Variants in PRR5L observed in about 807,000 individuals in gnomAD.
The protein encoded by PRR5L is proline-rich protein 5-like.
Under a neutral mutation model 36.4 loss-of-function variants are expected in PRR5L, and 21 were observed. The observed-to-expected ratio is 0.58, with a 90% CI of 0.41 to 0.83. The LOEUF (loss-of-function observed/expected upper bound fraction) is 0.83. Ranked by LOEUF, PRR5L falls within the 40% of genes least tolerant of loss-of-function variation. The probability of loss-of-function intolerance (pLI) is 0.00; values close to 1 mark genes in which losing one functional copy is unlikely to be tolerated. For synonymous variants in PRR5L, 188 were observed against 197.0 expected (o/e 0.95, Z 0.38); for missense variants, 381 against 473.3 (o/e 0.80, Z 1.81).
At position 36,374,234 on chromosome 11, in the gene PRR5L, A is replaced by G. The variant is rs149770778; in HGVS notation, c.-125-26763A>G. Reference sequence around the variant, plus strand: ...CTCAGTCTCCAGAGTACTTGGGATTACAGGCACCCGCCACCATGCCCGGCT... The same window carrying G: ...CTCAGTCTCCAGAGTACTTGGGATTGCAGGCACCCGCCACCATGCCCGGCT... On this transcript the variant is annotated intron_variant, in intron 1 of 8. Coordinates refer to ENST00000530639, the MANE Select transcript of PRR5L (RefSeq NM_001160167.2). Among the ~76,000 whole-genome samples the G allele has an allele frequency of 1.6e-3, 245 of 152,160 alleles. 3 individuals are homozygous for G. In the East Asian group the frequency reaches 0.041, roughly 26 times the overall value.
Position 36,462,621 on chromosome 11 carries a change from C to G in PRR5L, c.992C>G (p.Pro331Arg), listed in dbSNP as rs182532599. 2.3e-5 allele frequency: 37 copies of G among 1,612,346 alleles called. No individual in the cohort carries two copies. The South Asian group carries it at 3.8e-4, about 17-fold the overall frequency. Residue 331 changes from proline to arginine, a missense_variant, in exon 9 of 9, where the codon CCG (proline) becomes CGG (arginine). By Grantham distance (103) the Pro-to-Arg change is moderately radical (BLOSUM62 -2). Coordinates refer to ENST00000530639, the MANE Select transcript of PRR5L (RefSeq NM_001160167.2). ...KCLLLPPSFP[P>R]PHRQCSSEPN... Reference sequence around the variant, plus strand: ...CTGCTCCTGCCACCCAGCTTCCCCCCGCCCCACCGGCAGTGCTCCAGTGAG... The same window carrying G: ...CTGCTCCTGCCACCCAGCTTCCCCCGGCCCCACCGGCAGTGCTCCAGTGAG...
At chr11:36,404,927 C>G (rs926411040) in intron 3 of PRR5L, among the ~76,000 whole-genome samples, 1 of 152,192 alleles carries the variant, frequency 6.6e-6, no homozygotes, top group Non-Finnish European at 1.5e-5. Context: ...CCAACACACA[C>G]GTTGCGAAGT....
At chr11:36,334,281 T>A (rs750285652) in intron 1 of PRR5L, among the ~76,000 whole-genome samples, 1 of 152,228 alleles carries the variant, frequency 6.6e-6, no homozygotes, top group Non-Finnish European at 1.5e-5. Flanking sequence ...AATTAGCAGG[T>A]ATTTTTGACA....
chr11:36,309,310 T>C (rs922452941), intron 1 of PRR5L, among the ~76,000 whole-genome samples: 15 of 152,148 alleles, frequency 9.9e-5, no homozygotes, highest in African/African-American at 3.6e-4. Context: ...AATACGCAAA[T>C]GTAGAATAAT....
chr11:36,351,759 T>TGA (rs1856976130), intron 1 of PRR5L, among the ~76,000 whole-genome samples: 1 of 30,894 alleles, frequency 3.2e-5, no homozygotes. Flanking sequence ...TTATATATAT[T>TGA]TATATATTTA....
At chr11:36,350,298 TGTGTGG>T (rs200266364) in intron 1 of PRR5L, among the ~76,000 whole-genome samples, 2 of 149,682 alleles carry the variant, frequency 1.3e-5, no homozygotes, top group Non-Finnish European at 3.0e-5. Flanking sequence ...TGTGAGAGTG[TGTGTGG>T]GTGTGGGTGT....
At chr11:36,390,571 G>A (rs1857545733) in intron 1 of PRR5L, among the ~76,000 whole-genome samples, 1 of 152,148 alleles carries the variant, frequency 6.6e-6, no homozygotes, top group Non-Finnish European at 1.5e-5. Context: ...CTTTCTGTAA[G>A]CTGGGGCTGG....
intron 3 of PRR5L, among the ~76,000 whole-genome samples, chr11:36,410,805 C>G (rs1308750143): frequency 6.6e-6 from 1 of 152,162 alleles, no homozygotes; most frequent in Non-Finnish European, 1.5e-5. Context: ...GAGAAGCTGC[C>G]TCCTTGAAAC....
chr11:36,392,578 A>C (rs1857583446), intron 1 of PRR5L, among the ~76,000 whole-genome samples: 1 of 152,226 alleles, frequency 6.6e-6, no homozygotes, highest in Non-Finnish European at 1.5e-5. Context: ...ATGATGTATT[A>C]GTCCATTTTC....
At chr11:36,418,092 A>G (rs534559991) in intron 3 of PRR5L, among the ~76,000 whole-genome samples, 148 of 152,354 alleles carry the variant, frequency 9.7e-4, no homozygotes, top group African/African-American at 3.3e-3. Context: ...TCTTGTGAGT[A>G]TATTTATTAA....
chr11:36,312,421 C>G (rs1221941338), intron 1 of PRR5L, among the ~76,000 whole-genome samples: 2 of 152,220 alleles, frequency 1.3e-5, no homozygotes, highest in Non-Finnish European at 2.9e-5. Flanking sequence ...CACTGCTGTG[C>G]TGTCTACATT....
chr11:36,462,248 G>C (rs969484649), intron 8 of PRR5L, 94 bp from the exon 9 acceptor site: 2 of 1,278,062 alleles, frequency 1.6e-6, no homozygotes, highest in African/African-American at 3.0e-5. Context: ...CCTAAAGGTT[G>C]AGCACCTTGT....
At chr11:36,406,103 TC>T (rs1857904910) in intron 3 of PRR5L, among the ~76,000 whole-genome samples, 1 of 138,504 alleles carries the variant, frequency 7.2e-6, no homozygotes, top group African/African-American at 3.2e-5. Context: ...TGGTTCCTGA[TC>T]TTTTTTTTTT....
At chr11:36,401,409 G>A in intron 2 of PRR5L, 124 bp downstream of exon 2, 1 of 926,200 alleles carries the variant, frequency 1.1e-6, no homozygotes, top group Admixed American at 2.9e-5. Flanking sequence ...GGTAAATAAT[G>A]ACGAGAGCAA....
At chr11:36,358,869 G>C (rs1179790019) in intron 1 of PRR5L, among the ~76,000 whole-genome samples, 1 of 152,208 alleles carries the variant, frequency 6.6e-6, no homozygotes, top group Non-Finnish European at 1.5e-5. Flanking sequence ...CATACATCTG[G>C]GAGGCGATAG....
intron 1 of PRR5L, among the ~76,000 whole-genome samples, chr11:36,307,284 C>T (rs776492118): frequency 1.3e-5 from 2 of 152,040 alleles, no homozygotes; most frequent in African/African-American, 2.4e-5. Context: ...GAGGTACTGG[C>T]GCAAAAATGA....
chr11:36,341,610 C>T (rs146204569), intron 1 of PRR5L, among the ~76,000 whole-genome samples: 6 of 152,220 alleles, frequency 3.9e-5, no homozygotes, highest in Non-Finnish European at 7.3e-5. Context: ...AATTCTGAAT[C>T]TGGCCAAGTG....
intron 1 of PRR5L, among the ~76,000 whole-genome samples, chr11:36,363,058 T>C (rs1857109478): frequency 6.6e-6 from 1 of 152,206 alleles, no homozygotes; most frequent in African/African-American, 2.4e-5. Flanking sequence ...GGCCTGAGCC[T>C]GGTTTGTCTC....
rs142989396 is a variant in PRR5L, at chr11:36,431,730, G to A, written c.295-123G>A. On this transcript the variant is annotated intron_variant, in intron 4 of 8. Coordinates refer to ENST00000530639, the MANE Select transcript of PRR5L (RefSeq NM_001160167.2). ...GAGGAAAAAAGGCTTCTTAAACTCC[G>A]AGGCACGGCTAGAACACAAGTGCCT... 3.4e-4 allele frequency: 276 copies of A among 823,242 alleles called. No homozygotes were observed. In the African/African-American group the frequency reaches 3.4e-3, roughly 10 times the overall value. 51.0% of individuals were successfully genotyped at this position (823,242 alleles called of 1,614,324 possible). A position where few individuals can be genotyped will look rare whatever the true frequency, so the allele number is the denominator to read the frequency against.
Sources: gnomAD v4.1 joint callset for allele counts (sites outside exome capture counted in the v4.1 genomes callset) on GRCh38, gnomAD v4.1.1 for gene constraint, MANE v1.5 for transcripts, NCBI Gene and HGNC (gene_info 2026-07-23, HGNC 2026-07-21) for gene names.